C3: variants seen among roughly 807,000 people sequenced by gnomAD.
The protein encoded by C3 is complement C3, also known as C3 and PZP-like alpha-2-macroglobulin domain-containing protein 1.
A neutral mutation model predicts 207.9 loss-of-function variants in C3; 97 were observed. That is an observed-to-expected ratio of 0.47 (90% CI 0.40 to 0.55). C3 has a LOEUF of 0.55. Among genes scored for constraint, C3 ranks in the 20% least tolerant of loss-of-function variants. The pLI, the probability that C3 is intolerant of heterozygous loss-of-function variation, is 0.00. For synonymous variants in C3, 848 were observed against 857.6 expected (o/e 0.99, Z 0.20); for missense variants, 1,684 against 2,171.7 (o/e 0.78, Z 4.46).
chr19:6,698,306 G>A (rs1007374714), intron 19 of C3, among the ~76,000 whole-genome samples: 7 of 152,026 alleles, frequency 4.6e-5, no homozygotes, highest in African/African-American at 7.2e-5. Context: ...GAGCCACTGC[G>A]CCTGGCCGGA....
chr19:6,687,374 C>CTT (rs1468953696), intron 27 of C3, among the ~76,000 whole-genome samples: 2 of 152,176 alleles, frequency 1.3e-5, no homozygotes, highest in African/African-American at 4.8e-5. Flanking sequence ...TCATCATCAT[C>CTT]TTTATCTTCT....
At position 6,714,053 on chromosome 19, in the gene C3, G is replaced by C. The variant is rs982144175; in HGVS notation, c.712C>G (p.Pro238Ala). 32 of 1,612,192 alleles carry C rather than the reference G, an allele frequency of 2.0e-5. No individual in the cohort carries two copies. The highest frequency in any genetic ancestry group is 2.6e-5 in the Non-Finnish European group (31 of 1,179,506). The change falls in exon 7 of 41, where the codon CCT becomes GCT. Residue 238 changes from proline (P) to alanine (A), a missense_variant. This residue lies in a region of C3 where 1,280 missense variants were observed against 1,739.1 expected (regional missense o/e 0.74). Transcript: ENST00000245907. The stretch of plus-strand genomic sequence containing the variant: ...TAGATGTAGTAGAATTTCTCTGTAG[G>C]CTCCACTATGACCTCGAAACTGGGC... ...VLPSFEVIVE[P>A]TEKFYYIYNE...
chr19:6,679,176 C>T lies in C3; in HGVS notation c.4579G>A (p.Val1527Ile). 2 of 1,614,192 alleles carry T rather than the reference C, an allele frequency of 1.2e-6. No individual in the cohort carries two copies. The highest frequency in any genetic ancestry group is 2.2e-5 in the East Asian group (1 of 44,884). The change falls in exon 38 of 41, where the codon GTC (valine) becomes ATC (isoleucine). Residue 1527 changes from valine to isoleucine, a missense_variant. Val to Ile is a conservative substitution (Grantham distance 29, BLOSUM62 3). Coordinates refer to ENST00000245907, the MANE Select transcript of C3 (RefSeq NM_000064.4). ...NCFIQKSDDK[V>I]TLEERLDKAC... ...TTGTCCAGCCGTTCTTCCAGGGTGACCTTGTCATCCGACTTTTGTATGAAG... is the reference window on the plus strand; with the variant it reads ...TTGTCCAGCCGTTCTTCCAGGGTGATCTTGTCATCCGACTTTTGTATGAAG...
At chr19:6,690,012 A>G (rs1406667052) in intron 27 of C3, among the ~76,000 whole-genome samples, 1 of 152,056 alleles carries the variant, frequency 6.6e-6, no homozygotes. Flanking sequence ...AACAACCACA[A>G]TAAAGCAGAC....
At chr19:6,684,340 A>G in intron 33 of C3, 48 bp downstream of exon 33, 1 of 1,408,272 alleles carries the variant, frequency 7.1e-7, no homozygotes, top group Non-Finnish European at 1.0e-6. Context: ...AATTCTTGCT[A>G]GAGATAGAGG....
chr19:6,686,244 C>T lies in C3; in HGVS notation c.3690G>A (p.Val1230=). 6.2e-7 allele frequency: 1 copy of T among 1,614,170 alleles called. No individual in the cohort carries two copies. Among genetic ancestry groups the T allele is most frequent in the African/African-American group, 1.3e-5 (1 of 75,044 alleles). ...CCAAGAGGGCATAGGATGTGGCCTC[C>T]ACGTTGTAGAGCTGCTTACCAGGGT... ...WEDPGKQLYN[V]EATSYALLAL... The change falls in exon 29 of 41, where the codon GTG becomes GTA. Residue 1230 remains valine, a synonymous_variant. Coordinates refer to ENST00000245907, the MANE Select transcript of C3 (RefSeq NM_000064.4).
rs1967879199 is a variant in C3, at chr19:6,710,181, GGAGA to G, written c.1687-343_1687-340del. Among the ~76,000 whole-genome samples, 4 of 108,198 alleles carry G rather than the reference GGAGA, an allele frequency of 3.7e-5. No individual in the cohort carries two copies. The South Asian group carries it at 1.5e-3, about 42-fold the overall frequency. 71.0% of individuals were successfully genotyped at this position (108,198 alleles called of 152,430 possible). On this transcript the variant is annotated intron_variant, in intron 13 of 40. Transcript: ENST00000245907. The stretch of plus-strand genomic sequence containing the variant: ...GAGGGAGAGAGAGGGAAAGAGAGAG[GGAGA>G]GAGAGAGGGAAAGAGAGAAGGAGAG...
chr19:6,689,338 TCC>T (rs1918102095), intron 27 of C3, among the ~76,000 whole-genome samples: 3 of 27,350 alleles, frequency 1.1e-4, no homozygotes, highest in African/African-American at 3.8e-4. Context: ...CCTCCCTCCC[TCC>T]CTCCCTCCCT....
In C3 at chr19:6,713,301, C is replaced by G. The variant is rs777950980; in HGVS notation, c.891G>C (p.Ser297=). ...CCTTCCGGCTCAGCACAACCTCCCC[C>G]GAGCCATCCTCAATCTGAGAAGGGA... is the stretch of plus-strand genomic sequence containing the variant. ...SLKRIPIEDG[S]GEVVLSRKVL... Residue 297 remains serine, a synonymous_variant, in exon 9 of 41, where the codon TCG becomes TCC. Transcript: ENST00000245907. The G allele has an allele frequency of 3.1e-6, 5 of 1,613,574 alleles. No homozygotes were observed. In the South Asian group the frequency reaches 4.4e-5, roughly 14 times the overall value.
At chr19:6,688,739 A>C (rs1387325356) in intron 27 of C3, among the ~76,000 whole-genome samples, 1 of 152,198 alleles carries the variant, frequency 6.6e-6, no homozygotes, top group African/African-American at 2.4e-5. Context: ...TGTAGCAGAA[A>C]CAAATCTCTT....
chr19:6,713,220 C>A lies in C3; in HGVS notation c.972G>T (p.Leu324Phe), dbSNP rs138945756. ...GCAAGATGACGGTGGCAGACACGTA[C>A]AAAGACTTCCCCACCAGGTCTTCTG... ...PRAEDLVGKSLYVSATVILHS... is the reference protein window; with the variant it reads ...PRAEDLVGKSFYVSATVILHS... The change falls in exon 9 of 41, where the codon TTG becomes TTT. Residue 324 changes from leucine to phenylalanine, a missense_variant. By Grantham distance (22) the Leu-to-Phe change is conservative (BLOSUM62 0). Coordinates refer to ENST00000245907, the MANE Select transcript of C3 (RefSeq NM_000064.4). The A allele has an allele frequency of 1.2e-6, 2 of 1,613,724 alleles. No individual in the cohort carries two copies. The highest frequency in any genetic ancestry group is 2.2e-5 in the East Asian group (1 of 44,882).
At chr19:6,709,617 C>A in intron 14 of C3, 67 bp downstream of exon 14, 1 of 1,077,926 alleles carries the variant, frequency 9.3e-7, no homozygotes. Flanking sequence ...CCAGTCCCAC[C>A]CACCTCCCCC....
At chr19:6,713,116 C>A in intron 9 of C3, 73 bp downstream of exon 9, 1 of 1,576,540 alleles carries the variant, frequency 6.3e-7, no homozygotes, top group African/African-American at 1.3e-5. Context: ...TAGGCTTTCT[C>A]TTCTGACCTG....
At position 6,690,617 on chromosome 19, in the gene C3, G is replaced by A; in HGVS notation, c.3489+12C>T. ...TAAGGTAGGGTAGGGTGGGAAGATG[G>A]AGGGCACTTACGTTGACCTGCTCCT... On this transcript the variant is annotated intron_variant, in intron 27 of 40. Transcript: ENST00000245907. 1 of 1,608,528 alleles carries A rather than the reference G, an allele frequency of 6.2e-7. No individual in the cohort carries two copies. Among genetic ancestry groups the A allele is most frequent in the Non-Finnish European group, 8.5e-7 (1 of 1,174,792 alleles).
chr19:6,679,262 C>T, intron 37 of C3, 54 bp from the exon 38 acceptor site: 1 of 1,535,480 alleles, frequency 6.5e-7, no homozygotes, highest in South Asian at 1.1e-5. Context: ...CTGGGGCCTA[C>T]TGCCCATGGG....
intron 14 of C3, among the ~76,000 whole-genome samples, 190 bp downstream of exon 14, chr19:6,709,494 C>A (rs532599351): frequency 7.3e-4 from 111 of 152,194 alleles, no homozygotes; most frequent in African/African-American, 2.6e-3. Flanking sequence ...TCAGGACCAT[C>A]CCCAATTGGA....
At chr19:6,682,429 C>T (rs1413682212) in intron 33 of C3, 200 bp from the exon 34 acceptor site, 1 of 583,410 alleles carries the variant, frequency 1.7e-6, no homozygotes, top group African/African-American at 1.9e-5. Context: ...TGATTAAGAG[C>T]TCAGACTCTG....
chr19:6,695,831 G>GT (rs1568216487), intron 23 of C3, among the ~76,000 whole-genome samples: 1 of 152,106 alleles, frequency 6.6e-6, no homozygotes, highest in Non-Finnish European at 1.5e-5. Context: ...ATAAACTGAT[G>GT]TATCAGCGAA....
chr19:6,689,750 G>T (rs1346490241), intron 27 of C3, among the ~76,000 whole-genome samples: 1 of 152,070 alleles, frequency 6.6e-6, no homozygotes, highest in Non-Finnish European at 1.5e-5. Flanking sequence ...GGGAGGCCAC[G>T]CCAGGCAGAT....
Sources: allele counts gnomAD v4.1 joint callset (sites outside exome capture counted in the v4.1 genomes callset), GRCh38; gene constraint gnomAD v4.1.1; regional missense constraint gnomAD v4.1.1; transcripts MANE v1.5; gene names NCBI Gene and HGNC (gene_info 2026-07-23, HGNC 2026-07-21).